Variants in ITM2C observed in about 807,000 individuals in gnomAD.
ITM2C encodes the protein integral membrane protein 2C, also known as BRICHOS domain containing 2C.
In ITM2C, 20 loss-of-function variants were observed where a neutral mutation model predicts 30.0. The ratio of observed to expected loss-of-function variants is 0.67; its 90% CI spans 0.47 to 0.97. The LOEUF (loss-of-function observed/expected upper bound fraction) is 0.97, where lower values mean the gene tolerates loss of function less well. Among genes scored for constraint, ITM2C ranks in the 50% least tolerant of loss-of-function variants. The pLI is 0.00. For missense variants in ITM2C, 366 were observed against 371.9 expected (o/e 0.98, Z 0.13); for synonymous variants, 167 against 156.4 (o/e 1.07, Z -0.51).
intron 2 of ITM2C, among the ~76,000 whole-genome samples, chr2:230,875,186 C>T (rs1266965125): frequency 6.6e-6 from 1 of 152,226 alleles, no homozygotes; most frequent in Non-Finnish European, 1.5e-5. Context: ...CTGGTGTCTG[C>T]ACCTCTGTGG....
In ITM2C at chr2:230,865,029, G is replaced by C; in HGVS notation, c.4G>C (p.Val2Leu). The C allele has an allele frequency of 6.6e-7, 1 of 1,515,506 alleles. No homozygotes were observed. Among genetic ancestry groups the C allele is most frequent in the East Asian group, 2.6e-5 (1 of 38,050 alleles). 93.9% of individuals were successfully genotyped at this position (1,515,506 alleles called of 1,614,324 possible). A position where few individuals can be genotyped will look rare whatever the true frequency, so the allele number is the denominator to read the frequency against. M[V>L]KISFQPAVAG... ...GGACGCGCGGGCCGGCGCAGCCATG[G>C]TGAAGATTAGCTTCCAGCCCGCCGT... The change falls in exon 1 of 6, where the codon GTG becomes CTG. Residue 2 changes from valine (V) to leucine (L), a missense_variant. Coordinates refer to ENST00000326427, the MANE Select transcript of ITM2C (RefSeq NM_030926.6). The surrounding 1 kb of genome is among the most constrained non-coding windows in gnomAD (Gnocchi z 6.8).
intron 1 of ITM2C, among the ~76,000 whole-genome samples, chr2:230,868,449 G>A (rs1362956806): frequency 1.8e-5 from 2 of 110,260 alleles, no homozygotes; most frequent in Non-Finnish European, 3.7e-5. Context: ...CCCACACCCT[G>A]CCTGTGCCTG....
intron 1 of ITM2C, among the ~76,000 whole-genome samples, chr2:230,870,745 C>G (rs1181226437): frequency 6.6e-6 from 1 of 152,072 alleles, no homozygotes; most frequent in Non-Finnish European, 1.5e-5. Context: ...TTCTGCAGAC[C>G]AGCATTAAGG....
upstream of ITM2C, chr2:230,864,874 G>A (rs1391822737): frequency 4.0e-6 from 4 of 999,954 alleles, no homozygotes; most frequent in African/African-American, 3.4e-5. This position sits in a 1 kb window ranked among gnomAD's most constrained non-coding sequence, Gnocchi z 4.3. Flanking sequence ...CCCTCCCGCG[G>A]GGACGGGGCG....
chr2:230,869,265 C>T (rs1400366138), intron 1 of ITM2C, among the ~76,000 whole-genome samples: 4 of 152,222 alleles, frequency 2.6e-5, no homozygotes, highest in Admixed American at 2.6e-4. Flanking sequence ...AGCGCATCTG[C>T]ACAGATGCTG....
chr2:230,875,586 TCTGA>T (rs768007323), intron 2 of ITM2C, 30 bp from the exon 3 acceptor site: 4 of 1,565,096 alleles, frequency 2.6e-6, no homozygotes, highest in South Asian at 2.4e-5. Flanking sequence ...GACCAGCCTC[TCTGA>T]CTGTCTGTCT....
rs903899991 is a variant in ITM2C at position 230,865,690 on chromosome 2, G to A, written c.120+545G>A. 6.6e-6 allele frequency: 1 copy of A among 152,666 alleles called. No homozygotes were observed. Among genetic ancestry groups the A allele is most frequent in the African/African-American group, 2.4e-5 (1 of 41,454 alleles). The allele number at this position is 152,666 out of a possible 1,614,324, so 9.5% of individuals were successfully genotyped here. A position where few individuals can be genotyped will look rare whatever the true frequency, so the allele number is the denominator to read the frequency against. On this transcript the variant is annotated intron_variant, in intron 1 of 5. Transcript: ENST00000326427. This position sits in a 1 kb window ranked among gnomAD's most constrained non-coding sequence, Gnocchi z 6.8. ...AAATTGGGGGCTGCGAGGGACAGAG[G>A]ATGTGCTGCTGGCCTGCACCGGAAT...
intron 1 of ITM2C, among the ~76,000 whole-genome samples, chr2:230,867,334 C>T (rs1261678621): frequency 6.6e-6 from 1 of 152,210 alleles, no homozygotes; most frequent in Non-Finnish European, 1.5e-5. Context: ...GGAAACAGTT[C>T]ACTTCTGCGG....
rs903800282 is a variant in ITM2C at position 230,865,135 on chromosome 2, C to T, written c.110C>T (p.Thr37Met). The T allele has an allele frequency of 6.7e-7, 1 of 1,489,342 alleles. No individual in the cohort carries two copies. The highest frequency in any genetic ancestry group is 9.0e-7 in the Non-Finnish European group (1 of 1,112,050). The allele number at this position is 1,489,342 out of a possible 1,614,324, so 92.3% of individuals were successfully genotyped here. A position where few individuals can be genotyped will look rare whatever the true frequency, so the allele number is the denominator to read the frequency against. The stretch of plus-strand genomic sequence containing the variant: ...GCCTCGGCCACCGAGATCCTGCTGA[C>T]GCCGGCTAGGGTGAGAGGGTCTGGG... ...APASATEILL[T>M]PAREEQPPQH... Residue 37 changes from threonine to methionine, a missense_variant, in exon 1 of 6, where the codon ACG becomes ATG. By Grantham distance (81) the Thr-to-Met change is moderately conservative. Transcript: ENST00000326427. This position sits in a 1 kb window ranked among gnomAD's most constrained non-coding sequence, Gnocchi z 6.8.
chr2:230,864,458 C>A (rs563713354), upstream of ITM2C, among the ~76,000 whole-genome samples: 2 of 152,276 alleles, frequency 1.3e-5, no homozygotes, highest in African/African-American at 4.8e-5. This position sits in a 1 kb window ranked among gnomAD's most constrained non-coding sequence, Gnocchi z 4.3. Flanking sequence ...AGCCTCCTCC[C>A]CGCGCCAAGG....
In ITM2C at chr2:230,879,035, G is replaced by A. The variant is rs1016510110; in HGVS notation, c.*936G>A. Reference sequence around the variant, plus strand: ...CTGAAATTCCATCCCCCTCAGCTTAGGGGAATGCACCTTTTTCCCTTTCCT... The same window carrying A: ...CTGAAATTCCATCCCCCTCAGCTTAAGGGAATGCACCTTTTTCCCTTTCCT... On this transcript the variant is annotated 3_prime_UTR_variant, in exon 6 of 6. Transcript: ENST00000326427. 2.0e-5 allele frequency: 3 copies of A among 152,702 alleles called. No individual in the cohort carries two copies. The highest frequency in any genetic ancestry group is 2.4e-5 in the African/African-American group (1 of 41,446). 9.5% of individuals were successfully genotyped at this position (152,702 alleles called of 1,614,324 possible).
rs1308943078 is a variant in ITM2C at position 230,877,384 on chromosome 2, C to A, written c.562-16C>A. On this transcript the variant is annotated splice_polypyrimidine_tract_variant and intron_variant, in intron 4 of 5. Transcript: ENST00000326427. This position sits in a 1 kb window ranked among gnomAD's most constrained non-coding sequence, Gnocchi z 4.8. ...CTGAGGGGCCGACTCACTGTGGCGG[C>A]CACCTTGTTTTGCAGAGGGGGACCT... The A allele has an allele frequency of 6.2e-7, 1 of 1,611,834 alleles. No homozygotes were observed. The highest frequency in any genetic ancestry group is 8.5e-7 in the Non-Finnish European group (1 of 1,178,850).
rs746853958 is a variant in ITM2C at position 230,875,802 on chromosome 2, C to T, written c.444C>T (p.Phe148=). The T allele has an allele frequency of 4.5e-6, 7 of 1,564,122 alleles. No homozygotes were observed. In the Admixed American group the frequency reaches 1.3e-4, roughly 28 times the overall value. ...ACCCTGCAGACATCATCCATGACTT[C>T]CAGCGGGTGAGGCTGGCCAGGGCCT... The part of the protein sequence containing the change: ...GGDPADIIHD[F]QRGLTAYHDI... The change falls in exon 3 of 6, where the codon TTC becomes TTT. Residue 148 remains phenylalanine, a synonymous_variant. Transcript: ENST00000326427.
chr2:230,877,054 G>T lies in ITM2C; in HGVS notation c.561+87G>T, dbSNP rs1697320773. On this transcript the variant is annotated intron_variant, in intron 4 of 5. Coordinates refer to ENST00000326427, the MANE Select transcript of ITM2C (RefSeq NM_030926.6). The surrounding 1 kb of genome is among the most constrained non-coding windows in gnomAD (Gnocchi z 4.8). Reference sequence around the variant, plus strand: ...GGAGGCTAGGTCTGAGGTACAGGAAGTTCCTGTGTCAGGGGTTGGGGGAGC... The same window carrying T: ...GGAGGCTAGGTCTGAGGTACAGGAATTTCCTGTGTCAGGGGTTGGGGGAGC... 2 of 968,520 alleles carry T rather than the reference G, an allele frequency of 2.1e-6. No homozygotes were observed. Among genetic ancestry groups the T allele is most frequent in the African/African-American group, 3.2e-5 (2 of 62,584 alleles). The allele number at this position is 968,520 out of a possible 1,614,324, so 60.0% of individuals were successfully genotyped here. A position where few individuals can be genotyped will look rare whatever the true frequency, so the allele number is the denominator to read the frequency against.
rs1382108104 is a variant in ITM2C at position 230,873,477 on chromosome 2, C to T, written c.181C>T (p.Leu61=). 1 of 1,610,548 alleles carries T rather than the reference C, an allele frequency of 6.2e-7. No individual in the cohort carries two copies. Among genetic ancestry groups the T allele is most frequent in the Non-Finnish European group, 8.5e-7 (1 of 1,178,490 alleles). Residue 61 remains leucine (L), a synonymous_variant, in exon 2 of 6, where the codon CTG becomes TTG. Coordinates refer to ENST00000326427, the MANE Select transcript of ITM2C (RefSeq NM_030926.6). The part of the protein sequence containing the change: ...RGGSVGGVCY[L]SMGMVVLLMG... ...GGGCTCAGTGGGCGGCGTGTGCTAC[C>T]TGTCGATGGGCATGGTCGTGCTGCT...
chr2:230,869,990 G>A (rs1408563265), intron 1 of ITM2C, among the ~76,000 whole-genome samples: 1 of 152,256 alleles, frequency 6.6e-6, no homozygotes, highest in Non-Finnish European at 1.5e-5. Flanking sequence ...CCTATGGGGA[G>A]CAACATTTTT....
At position 230,877,323 on chromosome 2, in the gene ITM2C, T is replaced by C. The variant is rs1451871852; in HGVS notation, c.562-77T>C. 5 of 1,471,380 alleles carry C rather than the reference T, an allele frequency of 3.4e-6. No individual in the cohort carries two copies. Among genetic ancestry groups the C allele is most frequent in the Non-Finnish European group, 1.9e-6 (2 of 1,066,930 alleles). The allele number at this position is 1,471,380 out of a possible 1,614,324, so 91.1% of individuals were successfully genotyped here. On this transcript the variant is annotated intron_variant, in intron 4 of 5. Coordinates refer to ENST00000326427, the MANE Select transcript of ITM2C (RefSeq NM_030926.6). This position sits in a 1 kb window ranked among gnomAD's most constrained non-coding sequence, Gnocchi z 4.8. Reference sequence around the variant, plus strand: ...CCCAGGGGCCTCTGGAGGAGGGAGGTGGGCTGGCATTTCGGGCGAGGGGTT... The same window carrying C: ...CCCAGGGGCCTCTGGAGGAGGGAGGCGGGCTGGCATTTCGGGCGAGGGGTT...
At position 230,865,741 on chromosome 2, in the gene ITM2C, G is replaced by GA. The variant is rs1474026092; in HGVS notation, c.120+599dup. The GA allele has an allele frequency of 2.0e-5, 3 of 152,342 alleles. No individual in the cohort carries two copies. Among genetic ancestry groups the GA allele is most frequent in the Non-Finnish European group, 4.4e-5 (3 of 68,120 alleles). The allele number at this position is 152,342 out of a possible 1,614,324, so 9.4% of individuals were successfully genotyped here. A position where few individuals can be genotyped will look rare whatever the true frequency, so the allele number is the denominator to read the frequency against. ...TGACAGACCAGAAAGTGATGAAATGGAAATCAGCCAGAACCGACGGCGCTG... is the reference window on the plus strand; with the variant it reads ...TGACAGACCAGAAAGTGATGAAATGGAAAATCAGCCAGAACCGACGGCGCTG... On this transcript the variant is annotated intron_variant, in intron 1 of 5. Transcript: ENST00000326427. The surrounding 1 kb of genome is among the most constrained non-coding windows in gnomAD (Gnocchi z 6.8).
chr2:230,872,326 A>G (rs1697186427), intron 1 of ITM2C, among the ~76,000 whole-genome samples: 1 of 152,230 alleles, frequency 6.6e-6, no homozygotes, highest in Admixed American at 6.5e-5. Context: ...CATTATCTCC[A>G]AGGGTGAGCA....
Sources: gnomAD v4.1 joint callset for allele counts (sites outside exome capture counted in the v4.1 genomes callset) on GRCh38, gnomAD v4.1.1 for gene constraint, Gnocchi (gnomAD v3.1) non-coding constraint, MANE v1.5 for transcripts, NCBI Gene and HGNC (gene_info 2026-07-23, HGNC 2026-07-21) for gene names.